The following PCSK6 variants were observed in gnomAD, a reference collection of about 807,000 sequenced individuals.
PCSK6 encodes the protein paired basic amino acid cleaving enzyme 4.
A neutral mutation model predicts 123.3 loss-of-function variants in PCSK6; 85 were observed. That is an observed-to-expected ratio of 0.69 (90% CI 0.58 to 0.83). The LOEUF (loss-of-function observed/expected upper bound fraction) is 0.83. Ranked by LOEUF, PCSK6 falls within the 40% of genes least tolerant of loss-of-function variation. The pLI is 0.00. For synonymous variants in PCSK6, 508 were observed against 516.0 expected (o/e 0.98, Z 0.21); for missense variants, 1,191 against 1,282.3 (o/e 0.93, Z 1.09).
Position 101,384,380 on chromosome 15 carries a change from T to C in PCSK6, c.1356A>G (p.Thr452=). The C allele has an allele frequency of 6.2e-7, 1 of 1,613,860 alleles. No individual in the cohort carries two copies. Among genetic ancestry groups the C allele is most frequent in the Non-Finnish European group, 8.5e-7 (1 of 1,179,826 alleles). The part of the protein sequence containing the change: ...WRDVQHLLVK[T]SRPAHLKASD... ...TCGCTTTCAGGTGGGCCGGCCGGGATGTCTTCACTAGCAGGTGCTGGACGT... is the reference window on the plus strand; with the variant it reads ...TCGCTTTCAGGTGGGCCGGCCGGGACGTCTTCACTAGCAGGTGCTGGACGT... Residue 452 remains threonine (T), a synonymous_variant, in exon 10 of 22, where the codon ACA becomes ACG. Coordinates refer to ENST00000611716, the MANE Select transcript of PCSK6 (RefSeq NM_002570.5).
chr15:101,318,036 C>G (rs1298776832), intron 19 of PCSK6, among the ~76,000 whole-genome samples: 2 of 152,194 alleles, frequency 1.3e-5, no homozygotes, highest in Non-Finnish European at 2.9e-5. Context: ...GTACACAGTT[C>G]AGCAGCATTA....
Position 101,362,473 on chromosome 15 carries a change from C to T in PCSK6, c.1858+3723G>A, listed in dbSNP as rs567897343. On this transcript the variant is annotated intron_variant, in intron 13 of 21. Transcript: ENST00000611716. ...GCTGGATGAGATCCCTGGATGGGAA[C>T]AAAGAGCAGAGGACCCAGGAGTGCG... Among the ~76,000 whole-genome samples the T allele has an allele frequency of 1.1e-4, 16 of 152,190 alleles. 1 individual carries two copies. The highest frequency in any genetic ancestry group is 3.6e-4 in the African/African-American group (15 of 41,546).
intron 1 of PCSK6, among the ~76,000 whole-genome samples, chr15:101,475,671 T>G (rs1377042523): frequency 6.7e-6 from 1 of 148,640 alleles, no homozygotes; most frequent in Non-Finnish European, 1.5e-5. Flanking sequence ...TTTTTTTTTT[T>G]GTAGAGTCAG....
intron 1 of PCSK6, among the ~76,000 whole-genome samples, chr15:101,487,911 G>A (rs542345509): frequency 2.1e-4 from 32 of 152,174 alleles, no homozygotes; most frequent in African/African-American, 7.0e-4. Context: ...ATACATGTGC[G>A]TATATGTATG....
At chr15:101,435,074 A>G (rs2056558907) in intron 2 of PCSK6, among the ~76,000 whole-genome samples, 1 of 152,088 alleles carries the variant, frequency 6.6e-6, no homozygotes, top group Non-Finnish European at 1.5e-5. Context: ...GCCAGGACCA[A>G]AGTGCCTCCC....
At chr15:101,378,409 C>T (rs1334849401) in intron 11 of PCSK6, among the ~76,000 whole-genome samples, 1 of 152,240 alleles carries the variant, frequency 6.6e-6, no homozygotes, top group Non-Finnish European at 1.5e-5. Context: ...GCAAGTCACT[C>T]TCTTTTGCTA....
At chr15:101,461,624 C>T (rs757628650) in intron 1 of PCSK6, among the ~76,000 whole-genome samples, 6 of 151,628 alleles carry the variant, frequency 4.0e-5, no homozygotes, top group East Asian at 1.9e-4. Flanking sequence ...AATTCAGCAA[C>T]GAGGAAGAAA....
intron 1 of PCSK6, among the ~76,000 whole-genome samples, chr15:101,458,140 G>T (rs937046646): frequency 6.6e-6 from 1 of 152,122 alleles, no homozygotes; most frequent in African/African-American, 2.4e-5. Flanking sequence ...CTCATGCTGG[G>T]CTATCAGGCA....
chr15:101,428,896 G>A (rs1472768170), intron 5 of PCSK6, among the ~76,000 whole-genome samples: 3 of 152,182 alleles, frequency 2.0e-5, no homozygotes, highest in Non-Finnish European at 4.4e-5. Flanking sequence ...GGGTCACTGC[G>A]TGGTATGTGG....
chr15:101,457,417 C>T (rs971498841), intron 1 of PCSK6, among the ~76,000 whole-genome samples: 6 of 152,180 alleles, frequency 3.9e-5, no homozygotes, highest in Non-Finnish European at 7.3e-5. Flanking sequence ...ATGGAATGCT[C>T]GGCTCACGGC....
chr15:101,358,347 C>T (rs572206302), intron 13 of PCSK6, among the ~76,000 whole-genome samples: 1 of 152,346 alleles, frequency 6.6e-6, no homozygotes, highest in East Asian at 1.9e-4. Flanking sequence ...GAGAATCTGG[C>T]CTTAGGCAGA....
At chr15:101,326,603 G>A (rs766971145) in intron 15 of PCSK6, 124 bp from the exon 16 acceptor site, 3 of 887,336 alleles carry the variant, frequency 3.4e-6, no homozygotes, top group Middle Eastern at 2.4e-4. Flanking sequence ...AGGCCCCGCT[G>A]GGGCTGGACG....
chr15:101,331,580 G>A, intron 15 of PCSK6, 71 bp downstream of exon 15: 1 of 1,424,806 alleles, frequency 7.0e-7, no homozygotes, highest in Non-Finnish European at 9.8e-7. Context: ...CCCCATTCTG[G>A]TTGGGCATAT....
At chr15:101,440,172 G>A (rs1256667801) in intron 2 of PCSK6, among the ~76,000 whole-genome samples, 1 of 152,188 alleles carries the variant, frequency 6.6e-6, no homozygotes, top group Non-Finnish European at 1.5e-5. Context: ...TTGCTTAAAT[G>A]ACAAGCCTTG....
At chr15:101,339,422 G>GCTAT (rs2040550655) in intron 13 of PCSK6, among the ~76,000 whole-genome samples, 1 of 152,154 alleles carries the variant, frequency 6.6e-6, no homozygotes, top group Non-Finnish European at 1.5e-5. Context: ...GCCACCCATG[G>GCTAT]CTATGTTCAA....
chr15:101,346,003 C>T (rs2040720626), intron 13 of PCSK6, among the ~76,000 whole-genome samples: 1 of 152,158 alleles, frequency 6.6e-6, no homozygotes, highest in South Asian at 2.1e-4. Context: ...AGTGCACAAA[C>T]ATTTGAAAAA....
chr15:101,322,682 C>A lies in PCSK6; in HGVS notation c.2378-75G>T, dbSNP rs2277594. 4.2e-5 allele frequency: 40 copies of A among 946,882 alleles called. No individual in the cohort carries two copies. The Admixed American group carries it at 5.6e-4, about 13-fold the overall frequency. 58.7% of individuals were successfully genotyped at this position (946,882 alleles called of 1,614,324 possible). A position where few individuals can be genotyped will look rare whatever the true frequency, so the allele number is the denominator to read the frequency against. ...AATGAAATCTGGGCAAGCAGGCCCC[C>A]GGCATTTCAAAGCGGGGGTGCGGGT... On this transcript the variant is annotated intron_variant, in intron 17 of 21. Coordinates refer to ENST00000611716, the MANE Select transcript of PCSK6 (RefSeq NM_002570.5).
chr15:101,361,786 A>C (rs551391768), intron 13 of PCSK6, among the ~76,000 whole-genome samples: 1 of 152,182 alleles, frequency 6.6e-6, no homozygotes, highest in South Asian at 2.1e-4. Flanking sequence ...TCTAGCCAGT[A>C]GGGGTTGAGG....
chr15:101,462,902 G>A (rs539777443), intron 1 of PCSK6, among the ~76,000 whole-genome samples: 103 of 152,226 alleles, frequency 6.8e-4, no homozygotes, highest in African/African-American at 2.2e-3. Context: ...ACATGGCTAT[G>A]GGGGCCCAAG....
Sources: allele counts gnomAD v4.1 joint callset (sites outside exome capture counted in the v4.1 genomes callset), GRCh38; gene constraint gnomAD v4.1.1; transcripts MANE v1.5; gene names NCBI Gene and HGNC (gene_info 2026-07-23, HGNC 2026-07-21).